NRG1: variants seen among roughly 807,000 people sequenced by gnomAD.
NRG1 encodes pro-neuregulin-1, membrane-bound isoform.
Under a neutral mutation model 63.8 loss-of-function variants are expected in NRG1, and 18 were observed. That is an observed-to-expected ratio of 0.28 (90% CI 0.19 to 0.42). The LOEUF is 0.42. NRG1 is among the 10% of genes least tolerant of loss of function. The pLI is 1.00. For missense variants in NRG1, 762 were observed against 814.7 expected, an observed-to-expected ratio of 0.94 and a Z score of 0.79; for synonymous variants, 302 against 301.3, an observed-to-expected ratio of 1.00 and a Z score of -0.02.
chr8:32,520,379 G>A (rs1401592851), intron 1 of NRG1, among the ~76,000 whole-genome samples: 2 of 150,410 alleles, frequency 1.3e-5, no homozygotes, highest in East Asian at 2.0e-4. Context: ...GGCTGGTCTC[G>A]AACTCCTGGG....
chr8:32,019,686 C>T (rs1282564245), intron 1 of NRG1, among the ~76,000 whole-genome samples: 2 of 152,084 alleles, frequency 1.3e-5, no homozygotes, highest in Non-Finnish European at 2.9e-5. Context: ...CTGTATCCAC[C>T]TGGTATTTAC....
At chr8:32,216,385 T>C (rs956899007) in intron 1 of NRG1, among the ~76,000 whole-genome samples, 1 of 148,922 alleles carries the variant, frequency 6.7e-6, no homozygotes, top group South Asian at 2.1e-4. Context: ...AGAAGCACTA[T>C]AGAAATGGCA....
intron 1 of NRG1, among the ~76,000 whole-genome samples, chr8:32,578,575 T>TC (rs1196741299): frequency 1.3e-5 from 2 of 151,596 alleles, no homozygotes; most frequent in South Asian, 4.2e-4. Context: ...GCTGATAGAT[T>TC]TTTTTTTCAC....
At chr8:31,915,278 T>C (rs1315392983) in intron 1 of NRG1, among the ~76,000 whole-genome samples, 11 of 152,092 alleles carry the variant, frequency 7.2e-5, no homozygotes, top group Non-Finnish European at 1.6e-4. Flanking sequence ...TAGTTATTTT[T>C]CCTAAGGGCA....
At chr8:32,169,314 A>G (rs1839748962) in intron 1 of NRG1, among the ~76,000 whole-genome samples, 1 of 152,174 alleles carries the variant, frequency 6.6e-6, no homozygotes, top group Non-Finnish European at 1.5e-5. Flanking sequence ...TGGTTTTCAT[A>G]AAACTAGTAC....
chr8:31,669,991 C>T (rs1414897276), intron 1 of NRG1, among the ~76,000 whole-genome samples: 1 of 152,188 alleles, frequency 6.6e-6, no homozygotes, highest in Admixed American at 6.5e-5. Context: ...AACCCATAAA[C>T]CCATATAGAG....
intron 1 of NRG1, among the ~76,000 whole-genome samples, chr8:31,758,474 A>T (rs913391630): frequency 2.5e-4 from 38 of 152,174 alleles, no homozygotes; most frequent in African/African-American, 8.4e-4. Flanking sequence ...TCAAATGCCC[A>T]TCAATGATAC....
intron 1 of NRG1, among the ~76,000 whole-genome samples, chr8:31,692,185 T>C (rs866748418): frequency 1.3e-5 from 2 of 152,202 alleles, no homozygotes; most frequent in African/African-American, 2.4e-5. Flanking sequence ...TTGAAACTCA[T>C]TTTAGAAATT....
intron 1 of NRG1, among the ~76,000 whole-genome samples, chr8:32,489,609 C>T (rs1230426549): frequency 6.6e-6 from 1 of 151,796 alleles, no homozygotes; most frequent in Non-Finnish European, 1.5e-5. Context: ...GGTGAAGGAC[C>T]CAGAGTTTGT....
intron 1 of NRG1, among the ~76,000 whole-genome samples, chr8:32,361,560 G>A (rs944442956): frequency 3.9e-5 from 6 of 152,010 alleles, no homozygotes; most frequent in Non-Finnish European, 8.8e-5. Context: ...CCTTCTTGAC[G>A]AATGTTGTCC....
intron 1 of NRG1, among the ~76,000 whole-genome samples, chr8:32,172,436 C>A (rs943670885): frequency 6.6e-6 from 1 of 152,198 alleles, no homozygotes; most frequent in African/African-American, 2.4e-5. Flanking sequence ...AAAATCAGAA[C>A]GCCTCTCCTC....
rs530920882 is a variant in NRG1 at position 32,413,037 on chromosome 8, C to T, written c.38-182791C>T. On this transcript the variant is annotated intron_variant, in intron 1 of 10. Coordinates refer to the NRG1 transcript ENST00000519301. ...AAGGAGTCTGAATTCACCCAGATAC[C>T]GCGTGCTCCATCTGTTTGATTCACA... Among the ~76,000 whole-genome samples the T allele has an allele frequency of 5.3e-5, 8 of 152,250 alleles. No individual in the cohort carries two copies. The South Asian group carries it at 1.0e-3, about 20-fold the overall frequency.
chr8:32,350,457 A>C (rs1330389435), intron 1 of NRG1, among the ~76,000 whole-genome samples: 1 of 152,308 alleles, frequency 6.6e-6, no homozygotes, highest in Admixed American at 6.5e-5. Context: ...TACAACTAAC[A>C]AAGTCCCATT....
intron 1 of NRG1, among the ~76,000 whole-genome samples, chr8:32,223,185 T>G (rs1273160350): frequency 6.6e-6 from 1 of 152,232 alleles, no homozygotes; most frequent in Non-Finnish European, 1.5e-5. Context: ...TTCCAATTAC[T>G]AGACAAGATA....
intron 1 of NRG1, among the ~76,000 whole-genome samples, chr8:32,459,058 G>A (rs558051363): frequency 1.3e-5 from 2 of 152,202 alleles, no homozygotes; most frequent in Non-Finnish European, 2.9e-5. Context: ...TCTAGTTCTC[G>A]TCTGTGTCTC....
intron 1 of NRG1, among the ~76,000 whole-genome samples, chr8:32,372,426 C>G (rs1383832474): frequency 6.6e-6 from 1 of 152,052 alleles, no homozygotes; most frequent in Non-Finnish European, 1.5e-5. Context: ...AAAGTCACAA[C>G]CTAGATTGCA....
intron 1 of NRG1, among the ~76,000 whole-genome samples, chr8:32,293,724 T>C (rs866575279): frequency 0.05 from 7,117 of 142,882 alleles, 199 homozygotes; most frequent in South Asian, 0.071. Flanking sequence ...TCTTCTTTTT[T>C]TTTTTTTTTT....
chr8:32,065,937 T>C (rs1399161873), intron 1 of NRG1, among the ~76,000 whole-genome samples: 1 of 152,244 alleles, frequency 6.6e-6, no homozygotes, highest in Admixed American at 6.5e-5. Context: ...TGATGGCCAG[T>C]GATGATGAGC....
At position 31,897,926 on chromosome 8, in the gene NRG1, A is replaced by G. The variant is rs559257038; in HGVS notation, c.37+258495A>G. ...TCTCAGCTACTTTGAAGGCTAAGGC[A>G]GAATCACTTGAACCCCGGAGACAGA... On this transcript the variant is annotated intron_variant, in intron 1 of 10. Coordinates refer to the NRG1 transcript ENST00000519301. Among the ~76,000 whole-genome samples, 8 of 151,666 alleles carry G rather than the reference A, an allele frequency of 5.3e-5. No homozygotes were observed. The South Asian group carries it at 1.5e-3, about 28-fold the overall frequency.
Sources: gnomAD v4.1 joint callset for allele counts (sites outside exome capture counted in the v4.1 genomes callset) on GRCh38, gnomAD v4.1.1 for gene constraint, MANE v1.5 for transcripts, NCBI Gene and HGNC (gene_info 2026-07-23, HGNC 2026-07-21) for gene names.